Variants in FAM227B observed in about 807,000 individuals in gnomAD.
FAM227B encodes the protein family with sequence similarity 227 member B.
In FAM227B, 88 loss-of-function variants were observed where a neutral mutation model predicts 73.8. That is an observed-to-expected ratio of 1.19 (90% CI 1.00 to 1.42). The LOEUF (loss-of-function observed/expected upper bound fraction) is 1.42. Among genes scored for constraint, FAM227B ranks in the 40% most tolerant of loss-of-function variants. The probability of loss-of-function intolerance (pLI) is 0.00; values close to 1 mark genes in which losing one functional copy is unlikely to be tolerated. For synonymous variants in FAM227B, 210 were observed against 190.5 expected (o/e 1.10, Z -0.84); for missense variants, 632 against 590.9 (o/e 1.07, Z -0.72).
chr15:49,477,038 C>T (rs1057221915), intron 11 of FAM227B, among the ~76,000 whole-genome samples: 16 of 146,514 alleles, frequency 1.1e-4, no homozygotes, highest in East Asian at 2.0e-4. Flanking sequence ...CCAGCCTGGG[C>T]GACAAAGCGA....
At chr15:49,432,026 C>A (rs548314605) in intron 11 of FAM227B, among the ~76,000 whole-genome samples, 7 of 151,784 alleles carry the variant, frequency 4.6e-5, no homozygotes, top group African/African-American at 1.7e-4. Flanking sequence ...GTGCCGAAAA[C>A]TGTAATAATC....
At chr15:49,425,793 G>T (rs1438935485) in intron 11 of FAM227B, among the ~76,000 whole-genome samples, 1 of 151,628 alleles carries the variant, frequency 6.6e-6, no homozygotes, top group Non-Finnish European at 1.5e-5. Context: ...TGACTGGACA[G>T]TTATGGTTTT....
At chr15:49,515,697 T>C (rs528049772) in intron 10 of FAM227B, among the ~76,000 whole-genome samples, 33 of 152,194 alleles carry the variant, frequency 2.2e-4, no homozygotes, top group Non-Finnish European at 4.4e-4. Flanking sequence ...CTTTTAGTAC[T>C]GCATATGCTT....
chr15:49,412,533 G>A (rs539197001), intron 11 of FAM227B, among the ~76,000 whole-genome samples: 1 of 151,830 alleles, frequency 6.6e-6, no homozygotes, highest in Non-Finnish European at 1.5e-5. Context: ...CACAAGAATT[G>A]ATTTGAACAC....
At chr15:49,405,171 G>A (rs930768314) in intron 11 of FAM227B, among the ~76,000 whole-genome samples, 5 of 152,022 alleles carry the variant, frequency 3.3e-5, no homozygotes, top group Non-Finnish European at 7.4e-5. Context: ...TTTCTCTCTA[G>A]CTGCCTTTAA....
intron 10 of FAM227B, among the ~76,000 whole-genome samples, chr15:49,521,305 A>C (rs570060503): frequency 6.6e-6 from 1 of 152,286 alleles, no homozygotes; most frequent in Admixed American, 6.5e-5. Flanking sequence ...GGGCTGCCCC[A>C]AGGAAAAGGG....
chr15:49,557,503 A>G (rs926724179), intron 9 of FAM227B, among the ~76,000 whole-genome samples: 1 of 152,224 alleles, frequency 6.6e-6, no homozygotes, highest in Non-Finnish European at 1.5e-5. Context: ...GCTAGTATAC[A>G]CTGCTCTCAT....
chr15:49,483,005 G>A, intron 11 of FAM227B: 1 of 652,440 alleles, frequency 1.5e-6, no homozygotes, highest in Non-Finnish European at 2.8e-6. Context: ...TATCTGTTGT[G>A]GGTCAGGGGT....
chr15:49,616,495 C>G (rs990987957), intron 1 of FAM227B, among the ~76,000 whole-genome samples: 1 of 151,868 alleles, frequency 6.6e-6, no homozygotes, highest in African/African-American at 2.4e-5. Flanking sequence ...ACACACTTAA[C>G]TGATGCTCTG....
At chr15:49,471,820 C>T (rs190483759) in intron 11 of FAM227B, among the ~76,000 whole-genome samples, 3 of 152,024 alleles carry the variant, frequency 2.0e-5, no homozygotes, top group Middle Eastern at 3.4e-3. Context: ...CTTCCTGACA[C>T]GTGTATCAAG....
intron 11 of FAM227B, among the ~76,000 whole-genome samples, chr15:49,504,204 C>G (rs1481650664): frequency 6.8e-6 from 1 of 146,722 alleles, no homozygotes; most frequent in Non-Finnish European, 1.5e-5. Context: ...CATGTTCTCA[C>G]TCATAGGTGG....
At chr15:49,437,132 T>C (rs1309157164) in intron 11 of FAM227B, among the ~76,000 whole-genome samples, 2 of 151,580 alleles carry the variant, frequency 1.3e-5, no homozygotes, top group East Asian at 1.9e-4. Context: ...AAAATTGTTA[T>C]AGAATGCATA....
At chr15:49,391,426 T>C (rs2047204563) in intron 11 of FAM227B, among the ~76,000 whole-genome samples, 1 of 152,064 alleles carries the variant, frequency 6.6e-6, no homozygotes, top group Non-Finnish European at 1.5e-5. Context: ...AGATGTTTGG[T>C]TCCCTATAGA....
intron 11 of FAM227B, among the ~76,000 whole-genome samples, chr15:49,431,258 G>A (rs11855798): frequency 1.3e-5 from 2 of 151,538 alleles, no homozygotes; most frequent in Non-Finnish European, 3.0e-5. Context: ...ACATGATTTG[G>A]AAAATTGTGT....
intron 5 of FAM227B, among the ~76,000 whole-genome samples, chr15:49,585,033 T>C (rs985137778): frequency 2.6e-5 from 4 of 152,042 alleles, no homozygotes; most frequent in Admixed American, 6.6e-5. Flanking sequence ...GGGCGAAGGA[T>C]ATGAACAGAC....
chr15:49,460,646 C>A (rs1446025821), intron 11 of FAM227B, among the ~76,000 whole-genome samples: 1 of 152,160 alleles, frequency 6.6e-6, no homozygotes, highest in African/African-American at 2.4e-5. Context: ...TTAACCCACA[C>A]ACATTGTATT....
chr15:49,427,429 A>C (rs2050222740), intron 11 of FAM227B, among the ~76,000 whole-genome samples: 1 of 152,066 alleles, frequency 6.6e-6, no homozygotes, highest in African/African-American at 2.4e-5. Context: ...GATCAGAATC[A>C]AACTCAGAAT....
chr15:49,498,653 G>C (rs1017677601), intron 11 of FAM227B, among the ~76,000 whole-genome samples: 3 of 152,162 alleles, frequency 2.0e-5, no homozygotes, highest in African/African-American at 7.2e-5. Flanking sequence ...ACACTTTCAA[G>C]CTTTTTAAAA....
chr15:49,379,452 G>A (rs984601664), intron 11 of FAM227B, among the ~76,000 whole-genome samples: 1 of 151,964 alleles, frequency 6.6e-6, no homozygotes, highest in Non-Finnish European at 1.5e-5. Context: ...TTTTTGTTAG[G>A]ACTTTGATCT....
Sources: gnomAD v4.1 joint callset for allele counts (sites outside exome capture counted in the v4.1 genomes callset) on GRCh38, gnomAD v4.1.1 for gene constraint, MANE v1.5 for transcripts, NCBI Gene and HGNC (gene_info 2026-07-23, HGNC 2026-07-21) for gene names.